The following JMJD1C variants were observed in gnomAD, a reference collection of about 807,000 sequenced individuals.
JMJD1C encodes the protein jumonji domain-containing protein 1C.
A neutral mutation model predicts 245.3 loss-of-function variants in JMJD1C; 31 were observed. The ratio of observed to expected loss-of-function variants is 0.13; its 90% CI spans 0.09 to 0.17. JMJD1C has a LOEUF of 0.17. Ranked by LOEUF, JMJD1C falls within the 10% of genes least tolerant of loss-of-function variation. JMJD1C has a pLI of 1.00. For synonymous variants in JMJD1C, 1,057 were observed against 1,017.4 expected, an observed-to-expected ratio of 1.04 and a Z score of -0.74; for missense variants, 2,691 against 3,000.2, an observed-to-expected ratio of 0.90 and a Z score of 2.41.
At chr10:63,183,229 A>G (rs948873856) in intron 22 of JMJD1C, among the ~76,000 whole-genome samples, 5 of 152,248 alleles carry the variant, frequency 3.3e-5, no homozygotes, top group African/African-American at 1.2e-4. Flanking sequence ...ATAGAAAAGA[A>G]GTTAAAATAT....
intron 10 of JMJD1C, chr10:63,204,695 T>C: frequency 7.1e-6 from 7 of 985,434 alleles, no homozygotes; most frequent in Non-Finnish European, 8.4e-6. Context: ...CAGGTATCCT[T>C]CGATGTTAAT....
At chr10:63,407,550 T>C (rs1289969821) in intron 1 of JMJD1C, among the ~76,000 whole-genome samples, 2 of 152,310 alleles carry the variant, frequency 1.3e-5, no homozygotes, top group Non-Finnish European at 2.9e-5. Flanking sequence ...TCCACCCACA[T>C]GCTCAGAGTT....
At chr10:63,313,256 G>C (rs1009737904) in intron 2 of JMJD1C, among the ~76,000 whole-genome samples, 1 of 152,144 alleles carries the variant, frequency 6.6e-6, no homozygotes, top group African/African-American at 2.4e-5. Context: ...ATCCCATCCA[G>C]GTTGTTGTGA....
intron 2 of JMJD1C, among the ~76,000 whole-genome samples, chr10:63,330,054 C>T (rs1056030711): frequency 1.2e-4 from 19 of 152,170 alleles, no homozygotes; most frequent in African/African-American, 4.6e-4. Flanking sequence ...GCATGCGCCA[C>T]CACGCCCGGC....
intron 1 of JMJD1C, among the ~76,000 whole-genome samples, chr10:63,481,917 G>A (rs1013585839): frequency 3.9e-5 from 6 of 152,110 alleles, no homozygotes; most frequent in Non-Finnish European, 5.9e-5. Flanking sequence ...GGAGAGGGAG[G>A]GAAATTCCAA....
At chr10:63,367,898 T>C (rs1945988452) in intron 2 of JMJD1C, among the ~76,000 whole-genome samples, 1 of 152,192 alleles carries the variant, frequency 6.6e-6, no homozygotes, top group African/African-American at 2.4e-5. Flanking sequence ...CAGTAGTGTG[T>C]CTCCTTCACC....
intron 10 of JMJD1C, chr10:63,202,530 A>G (rs1846139974): frequency 4.1e-6 from 4 of 985,324 alleles, no homozygotes; most frequent in Non-Finnish European, 4.8e-6. Flanking sequence ...AATAAACCAT[A>G]TAGAGTGACC....
chr10:63,494,907 A>G (rs1954305426), intron 1 of JMJD1C, among the ~76,000 whole-genome samples: 1 of 152,206 alleles, frequency 6.6e-6, no homozygotes, highest in Non-Finnish European at 1.5e-5. Flanking sequence ...TATTCCTCAA[A>G]GCTGAGGTCA....
chr10:63,472,973 C>A (rs1362500932), intron 1 of JMJD1C, among the ~76,000 whole-genome samples: 1 of 151,812 alleles, frequency 6.6e-6, no homozygotes, highest in Non-Finnish European at 1.5e-5. Context: ...TTAGTAGAGA[C>A]AGGGTCTCAT....
chr10:63,247,102 C>CAAAAAAAAAAAAA (rs200646094), intron 3 of JMJD1C, among the ~76,000 whole-genome samples: 4 of 60,882 alleles, frequency 6.6e-5, no homozygotes, highest in Non-Finnish European at 1.4e-4. Context: ...TAAACTGAGA[C>CAAAAAAAAAAAAA]AAAAAAAACA....
intron 3 of JMJD1C, among the ~76,000 whole-genome samples, chr10:63,232,212 C>T (rs1564650946): frequency 6.6e-6 from 1 of 152,018 alleles, no homozygotes; most frequent in Non-Finnish European, 1.5e-5. Context: ...TAACAATCAT[C>T]TTCTCAATAT....
chr10:63,492,805 A>T (rs538899355), intron 1 of JMJD1C, among the ~76,000 whole-genome samples: 1 of 152,354 alleles, frequency 6.6e-6, no homozygotes, highest in East Asian at 1.9e-4. Context: ...TGCCAATCTC[A>T]AAGTGGCAAG....
At position 63,221,937 on chromosome 10, in the gene JMJD1C, G is replaced by T. The variant is rs563429107; in HGVS notation, c.448-1954C>A. Among the ~76,000 whole-genome samples the T allele has an allele frequency of 2.6e-5, 4 of 152,204 alleles. No individual in the cohort carries two copies. In the East Asian group the frequency reaches 7.7e-4, roughly 29 times the overall value. ...GGGTTTCATCATATTGGTTAGGCTG[G>T]TCTCAAACTCCTGACCTCAGGTGAT... On this transcript the variant is annotated intron_variant, in intron 3 of 25. Transcript: ENST00000399262.
intron 1 of JMJD1C, among the ~76,000 whole-genome samples, chr10:63,392,867 A>ATC (rs1554918146): frequency 8.9e-6 from 1 of 112,262 alleles, no homozygotes; most frequent in East Asian, 2.5e-4. Flanking sequence ...AAAGTACATA[A>ATC]ACACACACAC....
intron 2 of JMJD1C, among the ~76,000 whole-genome samples, chr10:63,377,078 T>C (rs1946800942): frequency 2.0e-5 from 3 of 152,220 alleles, no homozygotes; most frequent in Admixed American, 1.3e-4. Context: ...CACAATGGAA[T>C]GTTATTTTGC....
chr10:63,312,581 G>T (rs1939375728), intron 2 of JMJD1C, among the ~76,000 whole-genome samples: 1 of 152,132 alleles, frequency 6.6e-6, no homozygotes, highest in Non-Finnish European at 1.5e-5. Flanking sequence ...TACAAGGATT[G>T]AACTGAAGGT....
chr10:63,374,465 TA>T (rs1946560562), intron 2 of JMJD1C, among the ~76,000 whole-genome samples: 1 of 152,146 alleles, frequency 6.6e-6, no homozygotes, highest in African/African-American at 2.4e-5. Context: ...ATGAGTGAGA[TA>T]AAAACACCCC....
chr10:63,364,790 T>C (rs557974990), intron 2 of JMJD1C, among the ~76,000 whole-genome samples: 1 of 152,190 alleles, frequency 6.6e-6, no homozygotes, highest in South Asian at 2.1e-4. Flanking sequence ...GCCGAGCACA[T>C]GTTTTACCAG....
chr10:63,460,278 A>T (rs980072535), intron 1 of JMJD1C, among the ~76,000 whole-genome samples: 7 of 152,200 alleles, frequency 4.6e-5, no homozygotes, highest in African/African-American at 1.7e-4. Context: ...GCATTTTGGG[A>T]GGCCAAGGTG....
Sources: gnomAD v4.1 joint callset for allele counts (sites outside exome capture counted in the v4.1 genomes callset) on GRCh38, gnomAD v4.1.1 for gene constraint, MANE v1.5 for transcripts, NCBI Gene and HGNC (gene_info 2026-07-23, HGNC 2026-07-21) for gene names.